Variants in LRP1B observed in about 807,000 individuals in gnomAD.
The protein encoded by LRP1B is low-density lipoprotein receptor-related protein 1B.
In LRP1B, 217 loss-of-function variants were observed where a neutral mutation model predicts 556.6. That is an observed-to-expected ratio of 0.39 (90% CI 0.35 to 0.44). The LOEUF is 0.44. Among genes scored for constraint, LRP1B ranks in the 20% least tolerant of loss-of-function variants. LRP1B has a pLI of 1.00. For missense variants in LRP1B, 5,053 were observed against 5,620.8 expected, an observed-to-expected ratio of 0.90 and a Z score of 3.23; for synonymous variants, 2,047 against 1,865.8, an observed-to-expected ratio of 1.10 and a Z score of -2.50.
At chr2:140,681,398 T>C (rs965382030) in intron 41 of LRP1B, among the ~76,000 whole-genome samples, 1 of 152,170 alleles carries the variant, frequency 6.6e-6, no homozygotes, top group Non-Finnish European at 1.5e-5. Flanking sequence ...TTCATATCAG[T>C]GAAATGAAAC....
In LRP1B at chr2:140,239,524, C is replaced by A. The variant is rs1483559904; in HGVS notation, c.13333G>T (p.Ala4445Ser). 1 of 1,599,602 alleles carries A rather than the reference C, an allele frequency of 6.3e-7. No individual in the cohort carries two copies. Among genetic ancestry groups the A allele is most frequent in the Admixed American group, 1.7e-5 (1 of 59,110 alleles). ...AAGAGGACGAGAGGCACAATGATGG[C>A]AATGCTTCCTGGAAAATAAATGAGT... Reference protein sequence around the residue: ...KSDHISTRSIAIIVPLVLLVT... With the variant: ...KSDHISTRSISIIVPLVLLVT... Residue 4445 changes from alanine (A) to serine (S), a missense_variant, in exon 88 of 91, where the codon GCC becomes TCC. By Grantham distance (99) the Ala-to-Ser change is moderately conservative. This residue lies in a region of LRP1B where 551 missense variants were observed against 592.0 expected (regional missense o/e 0.93). Coordinates refer to ENST00000389484, the MANE Select transcript of LRP1B (RefSeq NM_018557.3).
intron 18 of LRP1B, among the ~76,000 whole-genome samples, chr2:140,970,964 C>T (rs556509460): frequency 2.7e-4 from 41 of 152,080 alleles, no homozygotes; most frequent in Middle Eastern, 3.4e-3. Flanking sequence ...TGGCCTCAAA[C>T]TCCTGGGCTC....
chr2:140,777,879 T>C lies in LRP1B; in HGVS notation c.5360-1641A>G, dbSNP rs941428214. 3.3e-5 allele frequency among the ~76,000 whole-genome samples: 5 copies of C among 151,236 alleles called. No individual in the cohort carries two copies. The East Asian group carries it at 7.8e-4, about 24-fold the overall frequency. On this transcript the variant is annotated intron_variant, in intron 32 of 90. Transcript: ENST00000389484. ...ATGGTAGAGGCAACCTTCCATAATATAGAGAAAAAAGACCAAAGAAACCTC... is the reference window on the plus strand; with the variant it reads ...ATGGTAGAGGCAACCTTCCATAATACAGAGAAAAAAGACCAAAGAAACCTC...
intron 7 of LRP1B, among the ~76,000 whole-genome samples, chr2:141,180,365 G>T (rs1680938077): frequency 6.7e-6 from 1 of 149,560 alleles, no homozygotes. Flanking sequence ...AAAACAACTA[G>T]AAATAATTTT....
chr2:142,080,529 A>AAAT (rs1705672405), intron 1 of LRP1B, among the ~76,000 whole-genome samples: 1 of 152,034 alleles, frequency 6.6e-6, no homozygotes, highest in African/African-American at 2.4e-5. Flanking sequence ...GTTTGTAAAA[A>AAAT]AAATAAATAA....
intron 1 of LRP1B, among the ~76,000 whole-genome samples, chr2:141,958,892 A>G (rs1701333603): frequency 6.6e-6 from 1 of 151,936 alleles, no homozygotes; most frequent in African/African-American, 2.4e-5. Context: ...TATGGGGAAA[A>G]TCATGCATTC....
chr2:141,060,526 C>A (rs1699305907), intron 8 of LRP1B, among the ~76,000 whole-genome samples: 2 of 151,734 alleles, frequency 1.3e-5, no homozygotes, highest in South Asian at 4.1e-4. Flanking sequence ...TCTTCCTTTG[C>A]CATTAGTCTC....
rs143069053 is a variant in LRP1B at position 141,040,282 on chromosome 2, A to C, written c.1789+8704T>G. ...AATGAAGAGTAAAGGCTTGTTCTTAATTTAAAATGTTTTATAAGACATTAT... is the reference window on the plus strand; with the variant it reads ...AATGAAGAGTAAAGGCTTGTTCTTACTTTAAAATGTTTTATAAGACATTAT... On this transcript the variant is annotated intron_variant, in intron 11 of 90. Transcript: ENST00000389484. Among the ~76,000 whole-genome samples, 4 of 152,224 alleles carry C rather than the reference A, an allele frequency of 2.6e-5. No homozygotes were observed. In the East Asian group the frequency reaches 7.8e-4, roughly 30 times the overall value.
chr2:140,333,160 TAAA>T (rs1255632019), intron 79 of LRP1B, among the ~76,000 whole-genome samples: 1 of 152,020 alleles, frequency 6.6e-6, no homozygotes, highest in Middle Eastern at 3.2e-3. Context: ...TCTATTTTCT[TAAA>T]AAACTCTTTC....
At chr2:141,454,066 C>A (rs566665148) in intron 3 of LRP1B, among the ~76,000 whole-genome samples, 1 of 152,130 alleles carries the variant, frequency 6.6e-6, no homozygotes, top group African/African-American at 2.4e-5. Flanking sequence ...CCAACCTTGC[C>A]CCCAAATATG....
intron 2 of LRP1B, among the ~76,000 whole-genome samples, chr2:141,694,610 T>A (rs1474528556): frequency 6.6e-6 from 1 of 151,930 alleles, no homozygotes; most frequent in Non-Finnish European, 1.5e-5. Context: ...AAAATCACAT[T>A]TGGAAGAATT....
At chr2:141,971,813 A>T (rs560143606) in intron 1 of LRP1B, among the ~76,000 whole-genome samples, 1 of 151,496 alleles carries the variant, frequency 6.6e-6, no homozygotes, top group African/African-American at 2.4e-5. Flanking sequence ...TTTTTTATTT[A>T]TTGAACCTGG....
intron 4 of LRP1B, among the ~76,000 whole-genome samples, chr2:141,250,839 C>T (rs1033530409): frequency 1.3e-5 from 2 of 152,098 alleles, no homozygotes; most frequent in Non-Finnish European, 2.9e-5. Context: ...AAAAATACCA[C>T]CCAATTGTTA....
intron 83 of LRP1B, among the ~76,000 whole-genome samples, chr2:140,306,804 A>T (rs1684087054): frequency 6.6e-6 from 1 of 151,868 alleles, no homozygotes; most frequent in Non-Finnish European, 1.5e-5. Flanking sequence ...AGTGCTATAA[A>T]TTTCCCTCTA....
intron 43 of LRP1B, among the ~76,000 whole-genome samples, chr2:140,554,854 A>ATGTGTGTGTGTGTGTG (rs1553485749): frequency 2.7e-5 from 4 of 146,112 alleles, no homozygotes; most frequent in African/African-American, 7.6e-5. Context: ...AAGTGTGTGT[A>ATGTGTGTGTGTGTGTG]TGTGTGTGTG....
intron 2 of LRP1B, among the ~76,000 whole-genome samples, chr2:141,545,450 C>A (rs913604566): frequency 6.6e-6 from 1 of 152,128 alleles, no homozygotes; most frequent in Non-Finnish European, 1.5e-5. Context: ...GTTACCTTGG[C>A]AAAAGGAACC....
intron 1 of LRP1B, among the ~76,000 whole-genome samples, chr2:141,951,770 G>T (rs537070312): frequency 1.3e-5 from 2 of 152,126 alleles, no homozygotes; most frequent in African/African-American, 4.8e-5. Context: ...GTATAAATTA[G>T]GGGGTATTCA....
chr2:140,886,622 CTG>C (rs921398576), intron 23 of LRP1B, among the ~76,000 whole-genome samples: 45 of 107,592 alleles, frequency 4.2e-4, no homozygotes, highest in African/African-American at 1.2e-3. Flanking sequence ...GGAGGATTTT[CTG>C]TTTTTTTTTT....
intron 35 of LRP1B, among the ~76,000 whole-genome samples, chr2:140,727,751 G>GA (rs1687644302): frequency 6.6e-6 from 1 of 152,204 alleles, no homozygotes; most frequent in Non-Finnish European, 1.5e-5. Flanking sequence ...AAATAGGAAT[G>GA]AAGTTGAACT....
Sources: allele counts gnomAD v4.1 joint callset (sites outside exome capture counted in the v4.1 genomes callset), GRCh38; gene constraint gnomAD v4.1.1; regional missense constraint gnomAD v4.1.1; transcripts MANE v1.5; gene names NCBI Gene and HGNC (gene_info 2026-07-23, HGNC 2026-07-21).